ARSB: variants seen among roughly 807,000 people sequenced by gnomAD.
The protein encoded by ARSB is N-acetylgalactosamine-4-sulfatase.
In ARSB, 41 loss-of-function variants were observed where a neutral mutation model predicts 50.9. The observed-to-expected ratio is 0.81, with a 90% CI of 0.63 to 1.04. ARSB has a LOEUF of 1.04. ARSB is among the 50% of genes least tolerant of loss of function. The pLI is 0.00. For missense variants in ARSB, 672 were observed against 693.3 expected, an observed-to-expected ratio of 0.97 and a Z score of 0.35; for synonymous variants, 269 against 284.8, an observed-to-expected ratio of 0.94 and a Z score of 0.56.
At chr5:78,920,882 C>A (rs1187328261) in intron 4 of ARSB, among the ~76,000 whole-genome samples, 1 of 152,136 alleles carries the variant, frequency 6.6e-6, no homozygotes, top group Non-Finnish European at 1.5e-5. Context: ...TCCTTTCTAA[C>A]TGCTGCCCCG....
intron 5 of ARSB, among the ~76,000 whole-genome samples, chr5:78,845,636 T>C (rs1171865071): frequency 1.3e-5 from 2 of 152,186 alleles, no homozygotes; most frequent in Non-Finnish European, 2.9e-5. Flanking sequence ...TTAGTGATGT[T>C]GAGCATTTTT....
At position 78,780,649 on chromosome 5, in the gene ARSB, C is replaced by G. The variant is rs555785323; in HGVS notation, c.1350G>C (p.Trp450Cys). The change falls in exon 8 of 8, where the codon TGG becomes TGC. Residue 450 changes from tryptophan (W) to cysteine (C), a missense_variant. Coordinates refer to ENST00000264914, the MANE Select transcript of ARSB (RefSeq NM_000046.5). ...LLTGYPGCGY[W>C]FPPPSQYNVS... Reference sequence around the variant, plus strand: ...CATTGTATTGAGACGGTGGAGGGAACCAGTAACCACAGCCTAGCAAAGAAA... The same window carrying G: ...CATTGTATTGAGACGGTGGAGGGAAGCAGTAACCACAGCCTAGCAAAGAAA... 4.3e-6 allele frequency: 7 copies of G among 1,613,978 alleles called. No homozygotes were observed. The South Asian group carries it at 5.5e-5, about 13-fold the overall frequency.
chr5:78,981,093 G>A lies in ARSB; in HGVS notation c.312+3844C>T, dbSNP rs1465826570. 6.5e-4 allele frequency among the ~76,000 whole-genome samples: 23 copies of A among 35,548 alleles called. 9 individuals carry two copies. In the East Asian group the frequency reaches 0.011, roughly 16 times the overall value. 23.3% of individuals were successfully genotyped at this position (35,548 alleles called of 152,430 possible). ...AGCCTCCCAAGTAGCTGGGACTACA[G>A]GCGCCCGCCACTACGCCCGGCTAAT... is the stretch of plus-strand genomic sequence containing the variant. On this transcript the variant is annotated intron_variant, in intron 1 of 7. Coordinates refer to ENST00000264914, the MANE Select transcript of ARSB (RefSeq NM_000046.5).
intron 6 of ARSB, among the ~76,000 whole-genome samples, chr5:78,797,054 T>G (rs1008557770): frequency 1.5e-4 from 23 of 151,884 alleles, no homozygotes; most frequent in African/African-American, 5.1e-4. Flanking sequence ...ATTTTTTGTA[T>G]TTTTTAGTAG....
At chr5:78,834,609 A>ATG (rs1389247264) in intron 6 of ARSB, among the ~76,000 whole-genome samples, 9 of 50,518 alleles carry the variant, frequency 1.8e-4, no homozygotes, top group African/African-American at 1.1e-3. Flanking sequence ...ATATATGTGT[A>ATG]TATATATATA....
At chr5:78,788,433 A>G (rs2037712212) in intron 6 of ARSB, among the ~76,000 whole-genome samples, 1 of 152,178 alleles carries the variant, frequency 6.6e-6, no homozygotes, top group African/African-American at 2.4e-5. Context: ...TCCAGACCCA[A>G]AGTAGGTTCT....
At chr5:78,907,269 A>G (rs1749107032) in intron 4 of ARSB, among the ~76,000 whole-genome samples, 1 of 152,174 alleles carries the variant, frequency 6.6e-6, no homozygotes. Context: ...TTTATTACAC[A>G]GTGAGTTTGT....
Position 78,870,314 on chromosome 5 carries a change from T to G in ARSB, c.1142+15270A>C, listed in dbSNP as rs1305134604. ...AGAGAATCCTCCCTAACTCATTTTA[T>G]GAGTCCAGCATCATCCTGATACCAA... On this transcript the variant is annotated intron_variant, in intron 5 of 7. Coordinates refer to ENST00000264914, the MANE Select transcript of ARSB (RefSeq NM_000046.5). Among the ~76,000 whole-genome samples the G allele has an allele frequency of 3.6e-4, 30 of 84,004 alleles. 10 individuals carry two copies. The highest frequency in any genetic ancestry group is 1.5e-3 in the African/African-American group (30 of 20,232). The allele number at this position is 84,004 out of a possible 152,430, so 55.1% of individuals were successfully genotyped here. A position where few individuals can be genotyped will look rare whatever the true frequency, so the allele number is the denominator to read the frequency against.
intron 6 of ARSB, among the ~76,000 whole-genome samples, chr5:78,807,279 G>A (rs1192394389): frequency 6.6e-6 from 1 of 152,222 alleles, no homozygotes; most frequent in Non-Finnish European, 1.5e-5. Context: ...TATGTTCCCA[G>A]TTGGTTGGTG....
At position 78,843,434 on chromosome 5, in the gene ARSB, T is replaced by C. The variant is rs183283997; in HGVS notation, c.1143-4008A>G. 1.7e-3 allele frequency among the ~76,000 whole-genome samples: 265 copies of C among 152,288 alleles called. 1 individual carries two copies. Among genetic ancestry groups the C allele is most frequent in the Admixed American group, 0.015 (224 of 15,290 alleles). ...ATGATTCTCAACCTTGGCTGCACAA[T>C]ACAATCACCTGAAGAACTCTTAAAA... On this transcript the variant is annotated intron_variant, in intron 5 of 7. Transcript: ENST00000264914.
chr5:78,953,872 C>A (rs1324832601), intron 4 of ARSB, among the ~76,000 whole-genome samples: 2 of 151,998 alleles, frequency 1.3e-5, no homozygotes, highest in Admixed American at 6.6e-5. Flanking sequence ...CATATATATA[C>A]ACACACACAT....
chr5:78,891,899 C>A (rs1180239039), intron 4 of ARSB, among the ~76,000 whole-genome samples: 3 of 152,176 alleles, frequency 2.0e-5, no homozygotes, highest in African/African-American at 7.2e-5. Flanking sequence ...ACCCCTACTG[C>A]CCCATGTCTA....
At chr5:78,860,722 A>G (rs1746393816) in intron 5 of ARSB, among the ~76,000 whole-genome samples, 1 of 152,220 alleles carries the variant, frequency 6.6e-6, no homozygotes, top group Non-Finnish European at 1.5e-5. Flanking sequence ...AAGAGCAAAC[A>G]CATTCAAAAG....
In ARSB at chr5:78,883,983, A is replaced by G. The variant is rs1284486647; in HGVS notation, c.1142+1601T>C. The G allele has an allele frequency of 2.0e-5, 3 of 152,222 alleles. No individual in the cohort carries two copies. The East Asian group carries it at 5.8e-4, about 29-fold the overall frequency. The allele number at this position is 152,222 out of a possible 1,614,324, so 9.4% of individuals were successfully genotyped here. On this transcript the variant is annotated intron_variant, in intron 5 of 7. Coordinates refer to ENST00000264914, the MANE Select transcript of ARSB (RefSeq NM_000046.5). ...AACTGGAAATTGGTCAAAGTATGGT[A>G]TTTCCAGAGTGTTGAATACTATGAT...
chr5:78,848,306 G>T (rs2112027733), intron 5 of ARSB, among the ~76,000 whole-genome samples: 1 of 93,960 alleles, frequency 1.1e-5, no homozygotes, highest in Non-Finnish European at 2.1e-5. Context: ...CTATGAGTGA[G>T]AACATGCGGT....
chr5:78,839,540 T>G lies in ARSB; in HGVS notation c.1143-114A>C, dbSNP rs188153275. On this transcript the variant is annotated intron_variant, in intron 5 of 7. Coordinates refer to ENST00000264914, the MANE Select transcript of ARSB (RefSeq NM_000046.5). ...AATAACAAACCTGCCAGTTAACAAC[T>G]CTGTCATGAATTTGGAGGTCTCCAC... 6 of 960,762 alleles carry G rather than the reference T, an allele frequency of 6.2e-6. No individual in the cohort carries two copies. In the African/African-American group the frequency reaches 6.5e-5, roughly 10 times the overall value. 59.5% of individuals were successfully genotyped at this position (960,762 alleles called of 1,614,324 possible).
At chr5:78,863,732 T>C (rs1746566597) in intron 5 of ARSB, among the ~76,000 whole-genome samples, 1 of 152,064 alleles carries the variant, frequency 6.6e-6, no homozygotes. Flanking sequence ...ATTGTGCACA[T>C]GTACCCTAGA....
intron 4 of ARSB, among the ~76,000 whole-genome samples, chr5:78,906,564 G>A (rs1474168529): frequency 6.6e-6 from 1 of 152,066 alleles, no homozygotes; most frequent in Non-Finnish European, 1.5e-5. Flanking sequence ...ATGAAGCTTT[G>A]ACTTTATTCC....
chr5:78,955,286 C>T lies in ARSB; in HGVS notation c.898+9G>A. 6.2e-7 allele frequency: 1 copy of T among 1,613,972 alleles called. No individual in the cohort carries two copies. The highest frequency in any genetic ancestry group is 2.2e-5 in the East Asian group (1 of 44,878). On this transcript the variant is annotated intron_variant, in intron 4 of 7. Transcript: ENST00000264914. ...TGCCAAGAGATGATTTTCCTATTGA[C>T]AGACTTACCTGTAGAAAAGATGAAC...
Sources: gnomAD v4.1 joint callset for allele counts (sites outside exome capture counted in the v4.1 genomes callset) on GRCh38, gnomAD v4.1.1 for gene constraint, MANE v1.5 for transcripts, NCBI Gene and HGNC (gene_info 2026-07-23, HGNC 2026-07-21) for gene names.